Variants in FAM168A observed in about 807,000 individuals in gnomAD.
FAM168A encodes protein FAM168A.
Under a neutral mutation model 28.5 loss-of-function variants are expected in FAM168A, and 3 were observed. That is an observed-to-expected ratio of 0.11 (90% CI 0.05 to 0.27). FAM168A has a LOEUF of 0.27. Among genes scored for constraint, FAM168A ranks in the 10% least tolerant of loss-of-function variants. FAM168A has a pLI of 1.00. For missense variants in FAM168A, 222 were observed against 311.5 expected (o/e 0.71, Z 2.16); for synonymous variants, 122 against 124.2 (o/e 0.98, Z 0.12).
At chr11:73,536,562 C>T (rs1446626907) in intron 1 of FAM168A, among the ~76,000 whole-genome samples, 2 of 152,086 alleles carry the variant, frequency 1.3e-5, no homozygotes, top group African/African-American at 4.8e-5. Context: ...TGGTGCATGG[C>T]TGTAATCCCA....
rs796128037 is a variant in FAM168A, at chr11:73,447,699, AT to A, written c.71-16930del. Among the ~76,000 whole-genome samples the A allele has an allele frequency of 7.5e-3, 1,080 of 143,400 alleles. 9 individuals carry two copies. The highest frequency in any genetic ancestry group is 0.024 in the African/African-American group (925 of 39,146). 94.1% of individuals were successfully genotyped at this position (143,400 alleles called of 152,430 possible). A position where few individuals can be genotyped will look rare whatever the true frequency, so the allele number is the denominator to read the frequency against. On this transcript the variant is annotated intron_variant, in intron 2 of 7. Transcript: ENST00000356467. ...GCTTGGGCTCTCACTGCCCAAACCTATTTTTTTTTTTCAGTCTTTCTCCCTT... is the reference window on the plus strand; with the variant it reads ...GCTTGGGCTCTCACTGCCCAAACCTATTTTTTTTTTCAGTCTTTCTCCCTT...
In FAM168A at chr11:73,405,292, T is replaced by C. The variant is rs911402614; in HGVS notation, c.*1471A>G. On this transcript the variant is annotated 3_prime_UTR_variant, in exon 8 of 8. Transcript: ENST00000356467. The stretch of plus-strand genomic sequence containing the variant: ...TTTCTGTTCCTGCCATCCGCCCCCA[T>C]GTAGCCTCTGCCCAGTCTTCAACCC... 6.6e-6 allele frequency: 1 copy of C among 152,194 alleles called. No individual in the cohort carries two copies. The highest frequency in any genetic ancestry group is 2.4e-5 in the African/African-American group (1 of 41,424). 9.4% of individuals were successfully genotyped at this position (152,194 alleles called of 1,614,324 possible). A position where few individuals can be genotyped will look rare whatever the true frequency, so the allele number is the denominator to read the frequency against.
chr11:73,511,965 T>C (rs147455936), intron 1 of FAM168A, among the ~76,000 whole-genome samples: 239 of 152,356 alleles, frequency 1.6e-3, no homozygotes, highest in African/African-American at 5.6e-3. Flanking sequence ...TTAGTATCTT[T>C]ACATACTCTT....
intron 1 of FAM168A, among the ~76,000 whole-genome samples, chr11:73,529,234 C>T (rs56172105): frequency 0.039 from 5,968 of 152,228 alleles, 399 homozygotes; most frequent in African/African-American, 0.14. Flanking sequence ...CTATGCTTGC[C>T]TTCATAAGCT....
At chr11:73,525,438 A>G (rs959451063) in intron 1 of FAM168A, among the ~76,000 whole-genome samples, 6 of 152,164 alleles carry the variant, frequency 3.9e-5, no homozygotes, top group Admixed American at 3.9e-4. Context: ...GAAGACCTTC[A>G]CTAAATCCCT....
chr11:73,507,170 A>G (rs1363810215), intron 1 of FAM168A, among the ~76,000 whole-genome samples: 2 of 152,176 alleles, frequency 1.3e-5, no homozygotes, highest in Non-Finnish European at 2.9e-5. Context: ...CCCACGAACT[A>G]TATGGTGGGA....
At chr11:73,521,676 G>A (rs1248216481) in intron 1 of FAM168A, among the ~76,000 whole-genome samples, 1 of 152,128 alleles carries the variant, frequency 6.6e-6, no homozygotes, top group African/African-American at 2.4e-5. Context: ...TGTCTGAGAA[G>A]AAGAATGCTT....
chr11:73,519,516 A>G (rs1466551446), intron 1 of FAM168A, among the ~76,000 whole-genome samples: 3 of 152,234 alleles, frequency 2.0e-5, no homozygotes, highest in Non-Finnish European at 2.9e-5. Flanking sequence ...AGAAGCTTAT[A>G]AAGAAGCAAA....
chr11:73,481,198 C>A (rs1271350592), intron 1 of FAM168A, among the ~76,000 whole-genome samples: 1 of 152,208 alleles, frequency 6.6e-6, no homozygotes, highest in Non-Finnish European at 1.5e-5. Flanking sequence ...GGACTACAGG[C>A]ACGTGCCACC....
intron 4 of FAM168A, among the ~76,000 whole-genome samples, 175 bp from the exon 5 acceptor site, chr11:73,411,711 G>A (rs918931903): frequency 2.6e-5 from 4 of 152,162 alleles, no homozygotes; most frequent in Admixed American, 2.6e-4. Flanking sequence ...CCCAGAGGCA[G>A]CTCCCTCAGT....
chr11:73,527,686 G>A (rs1441032336), intron 1 of FAM168A, among the ~76,000 whole-genome samples: 1 of 152,018 alleles, frequency 6.6e-6, no homozygotes, highest in African/African-American at 2.4e-5. Flanking sequence ...AAGTTATTAA[G>A]TAGCAGAAGG....
chr11:73,544,651 A>G (rs1943701747), intron 1 of FAM168A, among the ~76,000 whole-genome samples: 1 of 138,650 alleles, frequency 7.2e-6, no homozygotes, highest in Non-Finnish European at 1.5e-5. Context: ...AAAAATATAT[A>G]CAATTACATA....
At chr11:73,597,726 C>G (rs1397239988) in intron 1 of FAM168A, among the ~76,000 whole-genome samples, 197 bp downstream of exon 1, 1 of 128,118 alleles carries the variant, frequency 7.8e-6, no homozygotes, top group Non-Finnish European at 1.9e-5. Context: ...GCCCCCCAAC[C>G]TGCTTGGGTC....
In FAM168A at chr11:73,405,209, A is replaced by T. The variant is rs1027029377; in HGVS notation, c.*1554T>A. The T allele has an allele frequency of 2.0e-5, 3 of 152,248 alleles. No individual in the cohort carries two copies. Among genetic ancestry groups the T allele is most frequent in the African/African-American group, 7.2e-5 (3 of 41,450 alleles). The allele number at this position is 152,248 out of a possible 1,614,324, so 9.4% of individuals were successfully genotyped here. A position where few individuals can be genotyped will look rare whatever the true frequency, so the allele number is the denominator to read the frequency against. On this transcript the variant is annotated 3_prime_UTR_variant, in exon 8 of 8. Transcript: ENST00000356467. ...TTCTCCTGGAGGTGGAGTCAGGTAC[A>T]GGACGGAAGTTCCAGATGTCTTCAC...
chr11:73,448,135 C>T (rs1297312943), intron 2 of FAM168A, among the ~76,000 whole-genome samples: 1 of 152,102 alleles, frequency 6.6e-6, no homozygotes, highest in African/African-American at 2.4e-5. Flanking sequence ...GCAACCTCTG[C>T]CTCCTGGGTC....
intron 1 of FAM168A, among the ~76,000 whole-genome samples, chr11:73,588,100 AAAAGCACT>A (rs1944337545): frequency 6.6e-6 from 1 of 152,182 alleles, no homozygotes; most frequent in Non-Finnish European, 1.5e-5. Flanking sequence ...TGTCTCAAAG[AAAAGCACT>A]AAAGCACTTG....
At chr11:73,419,400 C>A (rs1412565330) in intron 4 of FAM168A, among the ~76,000 whole-genome samples, 1 of 152,166 alleles carries the variant, frequency 6.6e-6, no homozygotes. Context: ...ATGAGGCTTT[C>A]CTACTGGCAT....
intron 1 of FAM168A, among the ~76,000 whole-genome samples, chr11:73,496,973 G>A (rs1423063841): frequency 2.6e-5 from 4 of 151,600 alleles, no homozygotes; most frequent in African/African-American, 9.7e-5. Context: ...AGGACACCTG[G>A]GAATCAGAAT....
At chr11:73,590,271 C>T (rs1680548365) in intron 1 of FAM168A, among the ~76,000 whole-genome samples, 2 of 152,062 alleles carry the variant, frequency 1.3e-5, no homozygotes, top group South Asian at 4.2e-4. Context: ...GGCATGGTGG[C>T]ACATGCCTGT....
Sources: allele counts gnomAD v4.1 joint callset (sites outside exome capture counted in the v4.1 genomes callset), GRCh38; gene constraint gnomAD v4.1.1; transcripts MANE v1.5; gene names NCBI Gene and HGNC (gene_info 2026-07-23, HGNC 2026-07-21).